Variants in AK9 observed in about 807,000 individuals in gnomAD.
The protein encoded by AK9 is adenylate kinase 9, also known as adenylate kinase domain containing 1.
AK9 carries 191 observed loss-of-function variants against 239.6 expected under a neutral mutation model. That is an observed-to-expected ratio of 0.80 (90% CI 0.71 to 0.90). The LOEUF is 0.90. AK9 is among the 40% of genes least tolerant of loss of function. The pLI, the probability that AK9 is intolerant of heterozygous loss-of-function variation, is 0.00. For missense variants in AK9, 1,995 were observed against 2,214.7 expected (o/e 0.90, Z 1.99); for synonymous variants, 689 against 721.0 (o/e 0.96, Z 0.71).
At chr6:109,626,678 T>C (rs1795561534) in intron 12 of AK9, among the ~76,000 whole-genome samples, 1 of 152,240 alleles carries the variant, frequency 6.6e-6, no homozygotes, top group South Asian at 2.1e-4. Context: ...TACTGAATTT[T>C]GCAAGCAACT....
Position 109,674,222 on chromosome 6 carries a change from C to T in AK9, c.157G>A (p.Ala53Thr), listed in dbSNP as rs376957917. Residue 53 changes from alanine (A) to threonine (T), a missense_variant, in exon 3 of 41, where the codon GCA becomes ACA. By Grantham distance (58) the Ala-to-Thr change is moderately conservative. Coordinates refer to ENST00000424296, the MANE Select transcript of AK9 (RefSeq NM_001145128.3). The part of the protein sequence containing the change: ...KTTLARYITQ[A>T]WKCIRVEALP... ...CCTTCAACACGAATACATTTCCATG[C>T]CTGTGTTATGTAACGGGCTAATGTT... The T allele has an allele frequency of 6.3e-7, 1 of 1,586,402 alleles. No individual in the cohort carries two copies. Among genetic ancestry groups the T allele is most frequent in the South Asian group, 1.2e-5 (1 of 85,434 alleles).
intron 35 of AK9, among the ~76,000 whole-genome samples, chr6:109,500,034 T>TACACACAC (rs36086518): frequency 0.036 from 5,154 of 141,342 alleles, 121 homozygotes; most frequent in South Asian, 0.073. Context: ...ATATATATGA[T>TACACACAC]ACACACACAC....
intron 1 of AK9, among the ~76,000 whole-genome samples, chr6:109,688,756 A>G (rs1773875007): frequency 6.6e-6 from 1 of 152,188 alleles, no homozygotes; most frequent in Admixed American, 6.5e-5. Context: ...TTAAATCTTA[A>G]AACTACTGCT....
At chr6:109,530,075 A>G (rs979823411) in intron 28 of AK9, among the ~76,000 whole-genome samples, 2 of 152,226 alleles carry the variant, frequency 1.3e-5, no homozygotes, top group African/African-American at 4.8e-5. Flanking sequence ...ACCTTCCCAG[A>G]ATCCTCTAAA....
At chr6:109,512,972 T>G (rs780327996) in intron 32 of AK9, among the ~76,000 whole-genome samples, 23 of 152,208 alleles carry the variant, frequency 1.5e-4, no homozygotes, top group Non-Finnish European at 3.2e-4. Flanking sequence ...CAAGTGGTCC[T>G]CCCACCTCAG....
At chr6:109,642,414 A>G (rs7749910) in intron 9 of AK9, among the ~76,000 whole-genome samples, 88,546 of 151,948 alleles carry the variant, frequency 0.58, 27,486 homozygotes, top group East Asian at 0.84. Context: ...TGCAACCTTC[A>G]CTGATTAATT....
At chr6:109,557,760 G>A (rs1785182748) in intron 24 of AK9, among the ~76,000 whole-genome samples, 1 of 152,216 alleles carries the variant, frequency 6.6e-6, no homozygotes. Flanking sequence ...ATTCCTAGGA[G>A]TGGAAGGACT....
chr6:109,568,325 C>G (rs1786886074), intron 21 of AK9, among the ~76,000 whole-genome samples: 1 of 152,134 alleles, frequency 6.6e-6, no homozygotes, highest in Admixed American at 6.5e-5. Flanking sequence ...CAATATCATA[C>G]TGAATGGGCA....
chr6:109,563,449 G>A, intron 24 of AK9, 148 bp downstream of exon 24: 3 of 1,222,694 alleles, frequency 2.5e-6, no homozygotes, highest in South Asian at 2.3e-5. Context: ...AATTTCAGGG[G>A]GGTCAAGTGA....
chr6:109,524,177 T>C (rs940935614), intron 29 of AK9, among the ~76,000 whole-genome samples: 1 of 152,002 alleles, frequency 6.6e-6, no homozygotes, highest in South Asian at 2.1e-4. Context: ...ATAGAAAATA[T>C]AGAAACAAAC....
At chr6:109,588,290 C>T (rs574870776) in intron 17 of AK9, among the ~76,000 whole-genome samples, 26 of 152,080 alleles carry the variant, frequency 1.7e-4, no homozygotes, top group South Asian at 4.2e-4. Flanking sequence ...AGGATGGTCT[C>T]GATCTCCTGA....
intron 17 of AK9, among the ~76,000 whole-genome samples, chr6:109,589,730 T>A (rs1005771641): frequency 1.3e-5 from 2 of 152,156 alleles, no homozygotes; most frequent in African/African-American, 4.8e-5. Context: ...TATTTTGAGG[T>A]ATGTTCCTTC....
At chr6:109,548,188 G>A (rs1231300109) in intron 25 of AK9, among the ~76,000 whole-genome samples, 3 of 152,200 alleles carry the variant, frequency 2.0e-5, no homozygotes, top group African/African-American at 4.8e-5. Flanking sequence ...AGGGGTCTTC[G>A]AAAAGTTGAC....
intron 24 of AK9, among the ~76,000 whole-genome samples, chr6:109,562,946 G>T (rs959087968): frequency 6.6e-6 from 1 of 152,034 alleles, no homozygotes; most frequent in African/African-American, 2.4e-5. Flanking sequence ...GACAAAACCC[G>T]CATCCTTTAG....
chr6:109,592,590 G>A (rs1475512070), intron 17 of AK9, among the ~76,000 whole-genome samples: 3 of 151,928 alleles, frequency 2.0e-5, no homozygotes, highest in Non-Finnish European at 2.9e-5. Flanking sequence ...GGGACTACAG[G>A]CGCCTGCCAC....
chr6:109,560,624 T>C (rs541872915), intron 24 of AK9, among the ~76,000 whole-genome samples: 16 of 152,366 alleles, frequency 1.1e-4, no homozygotes, highest in African/African-American at 2.6e-4. Flanking sequence ...CACTTGGTCA[T>C]GGTGTATTAT....
chr6:109,551,517 CA>C (rs34978650), intron 24 of AK9, among the ~76,000 whole-genome samples: 71,053 of 123,592 alleles, frequency 0.57, 19,122 homozygotes, highest in South Asian at 0.74. Flanking sequence ...GACTCCATCT[CA>C]AAAAAAAAAA....
chr6:109,637,354 CTATT>C (rs1161561663), intron 10 of AK9, among the ~76,000 whole-genome samples: 1 of 151,930 alleles, frequency 6.6e-6, no homozygotes, highest in Non-Finnish European at 1.5e-5. Context: ...TCTTTTTACT[CTATT>C]GATTGATGTG....
Position 109,514,350 on chromosome 6 carries a change from A to T in AK9, c.4153T>A (p.Ser1385Thr). Residue 1385 changes from serine to threonine, a missense_variant, in exon 32 of 41, where the codon TCT (serine) becomes ACT (threonine). Physicochemically the swap from Ser to Thr is moderately conservative, Grantham distance 58 (BLOSUM62 1). Transcript: ENST00000424296. ...AATTTTTCTTTTGTTTCTTTACTAG[A>T]TAAAAAATAAATATACTGACGATGG... ...VIHRQYIYFL[S>T]SKETKEKFMK... The T allele has an allele frequency of 1.3e-6, 2 of 1,551,172 alleles. No homozygotes were observed. Among genetic ancestry groups the T allele is most frequent in the Non-Finnish European group, 1.7e-6 (2 of 1,146,698 alleles).
Sources: allele counts gnomAD v4.1 joint callset (sites outside exome capture counted in the v4.1 genomes callset), GRCh38; gene constraint gnomAD v4.1.1; transcripts MANE v1.5; gene names NCBI Gene and HGNC (gene_info 2026-07-23, HGNC 2026-07-21).